The following PPM1A variants were observed in gnomAD, a reference collection of about 807,000 sequenced individuals.
PPM1A encodes protein phosphatase, Mg2+/Mn2+ dependent 1A.
Under a neutral mutation model 35.0 loss-of-function variants are expected in PPM1A, and 7 were observed. The observed-to-expected ratio is 0.20, with a 90% CI of 0.11 to 0.38. The LOEUF (loss-of-function observed/expected upper bound fraction) is 0.38, where lower values mean the gene tolerates loss of function less well. Among genes scored for constraint, PPM1A ranks in the 10% least tolerant of loss-of-function variants. PPM1A has a pLI of 1.00. For synonymous variants in PPM1A, 153 were observed against 167.3 expected, an observed-to-expected ratio of 0.91 and a Z score of 0.66; for missense variants, 239 against 467.8, an observed-to-expected ratio of 0.51 and a Z score of 4.51.
Position 60,283,334 on chromosome 14 carries a change from A to G in PPM1A, c.631A>G (p.Thr211Ala), listed in dbSNP as rs1886604897. 1.2e-6 allele frequency: 2 copies of G among 1,614,110 alleles called. No individual in the cohort carries two copies. The highest frequency in any genetic ancestry group is 1.7e-5 in the Admixed American group (1 of 60,008). The change falls in exon 2 of 6, where the codon ACT becomes GCT. Residue 211 changes from threonine (T) to alanine (A), a missense_variant. Transcript: ENST00000395076. The surrounding 1 kb of genome is among the most constrained non-coding windows in gnomAD (Gnocchi z 6.3). ...CAAATGTGTCCATGGAAAAGGTCCT[A>G]CTGAGCAGCTTGTCTCACCAGAGCC... ...DYKCVHGKGPTEQLVSPEPEV... is the reference protein window; with the variant it reads ...DYKCVHGKGPAEQLVSPEPEV...
intron 1 of PPM1A, chr14:60,250,516 C>G (rs892945260): frequency 1.0e-5 from 8 of 765,366 alleles, no homozygotes; most frequent in African/African-American, 3.8e-5. Flanking sequence ...CCACATGGTA[C>G]AAATCCACAA....
Position 60,289,935 on chromosome 14 carries a change from T to G in PPM1A, c.1061+21T>G, listed in dbSNP as rs759364779. On this transcript the variant is annotated intron_variant, in intron 4 of 5. Transcript: ENST00000395076. The surrounding 1 kb of genome is among the most constrained non-coding windows in gnomAD (Gnocchi z 4.1). Reference sequence around the variant, plus strand: ...AGCAAGTAAGTTACATTCTGTACACTCTTATGCTTTATGTCAGTGTATGAA... The same window carrying G: ...AGCAAGTAAGTTACATTCTGTACACGCTTATGCTTTATGTCAGTGTATGAA... 1.4e-6 allele frequency: 2 copies of G among 1,448,682 alleles called. No homozygotes were observed. The highest frequency in any genetic ancestry group is 9.4e-7 in the Non-Finnish European group (1 of 1,066,214). The allele number at this position is 1,448,682 out of a possible 1,614,324, so 89.7% of individuals were successfully genotyped here.
chr14:60,254,425 C>T (rs1023636727), intron 1 of PPM1A, among the ~76,000 whole-genome samples: 1 of 152,112 alleles, frequency 6.6e-6, no homozygotes, highest in Non-Finnish European at 1.5e-5. Flanking sequence ...GGTGAATGTT[C>T]AGGCTAGAAT....
At chr14:60,291,750 GTT>G (rs77512505) in intron 5 of PPM1A, among the ~76,000 whole-genome samples, 10 of 128,704 alleles carry the variant, frequency 7.8e-5, no homozygotes, top group Non-Finnish European at 8.4e-5. Context: ...CCACTACATG[GTT>G]TTTTTTTTTT....
chr14:60,262,759 T>C (rs1394290255), intron 1 of PPM1A, among the ~76,000 whole-genome samples: 2 of 152,182 alleles, frequency 1.3e-5, no homozygotes, highest in African/African-American at 4.8e-5. Flanking sequence ...GATTTAAATA[T>C]AAATCATGAA....
chr14:60,275,577 C>T (rs548436151), intron 1 of PPM1A, among the ~76,000 whole-genome samples: 6 of 152,260 alleles, frequency 3.9e-5, no homozygotes, highest in East Asian at 1.9e-4. Context: ...GCTTCAAATT[C>T]GTGGGCCCAA....
chr14:60,265,858 G>A (rs1483380324), intron 1 of PPM1A, among the ~76,000 whole-genome samples: 1 of 152,180 alleles, frequency 6.6e-6, no homozygotes, highest in Non-Finnish European at 1.5e-5. Flanking sequence ...TGAGGGCAGA[G>A]CCTTCATCAC....
chr14:60,283,284 C>A lies in PPM1A; in HGVS notation c.581C>A (p.Ser194Ter). Residue 194 changes from serine (S) to a stop codon, truncating the protein, a stop_gained, in exon 2 of 6, where the codon TCG becomes TAG. Coordinates refer to ENST00000395076, the MANE Select transcript of PPM1A (RefSeq NM_021003.5). LOFTEE classifies it high-confidence loss of function. This position sits in a 1 kb window ranked among gnomAD's most constrained non-coding sequence, Gnocchi z 6.3. ...IQRVNGSLAV[S>*]RALGDFDYKC... ...CGTGTGAATGGCTCTCTGGCTGTATCGAGGGCCCTTGGGGATTTTGATTAC... is the reference window on the plus strand; with the variant it reads ...CGTGTGAATGGCTCTCTGGCTGTATAGAGGGCCCTTGGGGATTTTGATTAC... The A allele has an allele frequency of 6.2e-7, 1 of 1,614,150 alleles. No individual in the cohort carries two copies. Among genetic ancestry groups the A allele is most frequent in the Non-Finnish European group, 8.5e-7 (1 of 1,180,036 alleles).
intron 1 of PPM1A, chr14:60,250,337 G>C (rs1595249504): frequency 1.4e-6 from 1 of 696,806 alleles, no homozygotes; most frequent in Non-Finnish European, 1.8e-6. Flanking sequence ...AAAACTTCTT[G>C]ATGTTAGAGC....
chr14:60,294,116 T>G lies in PPM1A; in HGVS notation c.*1634T>G, dbSNP rs1395078255. ...AGTCCATTTTGTTATATTTGTTTTT[T>G]CCCTAACTTGGAAATATACATATTT... On this transcript the variant is annotated 3_prime_UTR_variant, in exon 6 of 6. Transcript: ENST00000395076. 1.3e-5 allele frequency: 2 copies of G among 151,910 alleles called. No individual in the cohort carries two copies. The highest frequency in any genetic ancestry group is 2.4e-5 in the African/African-American group (1 of 41,402). The allele number at this position is 151,910 out of a possible 1,614,324, so 9.4% of individuals were successfully genotyped here.
At chr14:60,279,754 A>ATGAAGTGTT (rs1417014503) in intron 1 of PPM1A, among the ~76,000 whole-genome samples, 1 of 152,180 alleles carries the variant, frequency 6.6e-6, no homozygotes, top group Non-Finnish European at 1.5e-5. Context: ...CTATTTACTA[A>ATGAAGTGTT]TGAAGTGTTT....
chr14:60,255,202 C>G (rs1258428873), intron 1 of PPM1A, among the ~76,000 whole-genome samples: 1 of 127,616 alleles, frequency 7.8e-6, no homozygotes, highest in African/African-American at 3.6e-5. Flanking sequence ...GACAGAGTCT[C>G]GCTCTGTCGC....
intron 1 of PPM1A, among the ~76,000 whole-genome samples, chr14:60,274,926 A>C (rs964347866): frequency 6.6e-6 from 1 of 151,652 alleles, no homozygotes; most frequent in African/African-American, 2.4e-5. Context: ...AAGTCATCTT[A>C]TTTTTCTCTG....
chr14:60,259,188 T>C (rs1883478178), intron 1 of PPM1A, among the ~76,000 whole-genome samples: 1 of 152,268 alleles, frequency 6.6e-6, no homozygotes, highest in South Asian at 2.1e-4. Context: ...GACTCTATTT[T>C]GAAAAATGTT....
At chr14:60,286,174 C>T in intron 3 of PPM1A, 1 of 985,210 alleles carries the variant, frequency 1.0e-6, no homozygotes, top group Non-Finnish European at 1.2e-6. Flanking sequence ...TTTTCAATAA[C>T]TTGAAAATCA....
At chr14:60,286,303 G>T (rs182864295) in intron 3 of PPM1A, 1 of 985,634 alleles carries the variant, frequency 1.0e-6, no homozygotes, top group Non-Finnish European at 1.2e-6. Flanking sequence ...CTCAATAAAA[G>T]ACATAATATT....
At chr14:60,255,462 C>T (rs993822666) in intron 1 of PPM1A, among the ~76,000 whole-genome samples, 8 of 152,140 alleles carry the variant, frequency 5.3e-5, no homozygotes, top group South Asian at 2.1e-4. Flanking sequence ...TGAGCCACCG[C>T]GCCCGGCCTA....
chr14:60,272,903 T>C lies in PPM1A; in HGVS notation c.-20-9781T>C, dbSNP rs75320533. On this transcript the variant is annotated intron_variant, in intron 1 of 5. Transcript: ENST00000395076. ...ATTTGATACTCTTTCCTTTTATGAT[T>C]GCTCATGTTTTTGTCTAGAACCTTG... is the stretch of plus-strand genomic sequence containing the variant. 1.6e-4 allele frequency among the ~76,000 whole-genome samples: 25 copies of C among 152,298 alleles called. 1 individual carries two copies. In the East Asian group the frequency reaches 4.4e-3, roughly 27 times the overall value.
At chr14:60,260,303 GTAAA>G (rs1450880157) in intron 1 of PPM1A, among the ~76,000 whole-genome samples, 2 of 151,988 alleles carry the variant, frequency 1.3e-5, no homozygotes, top group South Asian at 2.1e-4. Flanking sequence ...AGGAGGGTAA[GTAAA>G]TATTTAACTG....
Sources: allele counts gnomAD v4.1 joint callset (sites outside exome capture counted in the v4.1 genomes callset), GRCh38; gene constraint gnomAD v4.1.1; non-coding constraint Gnocchi (gnomAD v3.1); transcripts MANE v1.5; gene names NCBI Gene and HGNC (gene_info 2026-07-23, HGNC 2026-07-21).